The following SENP2 variants were observed in gnomAD, a reference collection of about 807,000 sequenced individuals.
The protein encoded by SENP2 is sentrin-specific protease 2.
SENP2 carries 16 observed loss-of-function variants against 86.3 expected under a neutral mutation model. The observed-to-expected ratio is 0.19, with a 90% CI of 0.13 to 0.28. SENP2 has a LOEUF of 0.28. Ranked by LOEUF, SENP2 falls within the 10% of genes least tolerant of loss-of-function variation. The probability of loss-of-function intolerance (pLI) is 1.00; values close to 1 mark genes in which losing one functional copy is unlikely to be tolerated. For synonymous variants in SENP2, 222 were observed against 238.7 expected, an observed-to-expected ratio of 0.93 and a Z score of 0.64; for missense variants, 552 against 703.0, an observed-to-expected ratio of 0.79 and a Z score of 2.43.
intron 7 of SENP2, 174 bp from the exon 8 acceptor site, chr3:185,611,477 A>C (rs1577732648): frequency 4.4e-6 from 2 of 450,290 alleles, no homozygotes; most frequent in South Asian, 7.7e-5. Flanking sequence ...TATTAGAATC[A>C]TGATTAGACT....
chr3:185,616,072 A>G (rs1711589879), intron 11 of SENP2, among the ~76,000 whole-genome samples: 1 of 150,562 alleles, frequency 6.6e-6, no homozygotes. Flanking sequence ...CATGCTGGCC[A>G]GGCTGGTCTC....
chr3:185,611,853 A>T (rs1450103719), intron 8 of SENP2, 108 bp downstream of exon 8: 1 of 812,654 alleles, frequency 1.2e-6, no homozygotes, highest in Non-Finnish European at 2.0e-6. Context: ...GTACCAAAAT[A>T]CTGTCAAATC....
chr3:185,611,884 C>T (rs1461564599), intron 8 of SENP2, 139 bp downstream of exon 8: 27 of 642,200 alleles, frequency 4.2e-5, no homozygotes, highest in Admixed American at 3.6e-4. Context: ...GGGCCGGGCG[C>T]GGTGGCTTAC....
At chr3:185,609,456 G>C (rs1381980764) in intron 7 of SENP2, 106 bp downstream of exon 7, 2 of 737,590 alleles carry the variant, frequency 2.7e-6, no homozygotes, top group African/African-American at 3.5e-5. Context: ...GGTTAACCCT[G>C]AGAGAACTAG....
chr3:185,621,331 T>TAAA (rs11388775), intron 13 of SENP2, among the ~76,000 whole-genome samples: 59 of 122,582 alleles, frequency 4.8e-4, no homozygotes, highest in South Asian at 1.0e-3. Flanking sequence ...CATTTTTAAC[T>TAAA]AAAAAAAAAA....
At chr3:185,605,771 A>G (rs551902595) in intron 5 of SENP2, among the ~76,000 whole-genome samples, 5 of 152,260 alleles carry the variant, frequency 3.3e-5, no homozygotes, top group East Asian at 1.9e-4. Context: ...ATGGCAGGAA[A>G]GGCAGATTTG....
intron 5 of SENP2, among the ~76,000 whole-genome samples, chr3:185,601,504 G>A (rs532882268): frequency 1.3e-5 from 2 of 152,014 alleles, no homozygotes; most frequent in African/African-American, 2.4e-5. Flanking sequence ...TTCATACACT[G>A]GTCATATCCA....
intron 2 of SENP2, among the ~76,000 whole-genome samples, chr3:185,592,780 C>G (rs1454716210): frequency 6.6e-6 from 1 of 152,018 alleles, no homozygotes; most frequent in African/African-American, 2.4e-5. Flanking sequence ...CCACACCCGG[C>G]TAATTTTTGT....
chr3:185,602,228 C>T (rs1038362812), intron 5 of SENP2, among the ~76,000 whole-genome samples: 1 of 152,108 alleles, frequency 6.6e-6, no homozygotes, highest in Non-Finnish European at 1.5e-5. Flanking sequence ...TGGCTATCCA[C>T]TTATATTTAG....
At chr3:185,625,886 T>G (rs547255366) in intron 15 of SENP2, among the ~76,000 whole-genome samples, 1 of 152,344 alleles carries the variant, frequency 6.6e-6, no homozygotes, top group South Asian at 2.1e-4. Context: ...TTTCTTGGAA[T>G]GGGAGCTGAG....
chr3:185,618,414 G>C (rs945066934), intron 12 of SENP2, among the ~76,000 whole-genome samples: 2 of 152,018 alleles, frequency 1.3e-5, no homozygotes, highest in African/African-American at 4.8e-5. Context: ...GTTCTTCCCC[G>C]AACTGCTTAG....
intron 2 of SENP2, among the ~76,000 whole-genome samples, chr3:185,591,967 G>T (rs1417005972): frequency 7.3e-6 from 1 of 137,416 alleles, no homozygotes; most frequent in African/African-American, 2.7e-5. Flanking sequence ...GGCAGCAGTG[G>T]CATTTTGAAA....
intron 13 of SENP2, among the ~76,000 whole-genome samples, chr3:185,621,400 T>C (rs1303558406): frequency 1.5e-4 from 21 of 137,730 alleles, no homozygotes; most frequent in Non-Finnish European, 3.0e-4. Flanking sequence ...TTTTTTTTTT[T>C]TTTTTTTTTG....
At position 185,590,115 on chromosome 3, in the gene SENP2, ACT is replaced by A; in HGVS notation, c.106_107del (p.Leu36ValfsTer7). 6.6e-7 allele frequency: 1 copy of A among 1,506,186 alleles called. No individual in the cohort carries two copies. Among genetic ancestry groups the A allele is most frequent in the Non-Finnish European group, 8.9e-7 (1 of 1,119,842 alleles). The allele number at this position is 1,506,186 out of a possible 1,614,324, so 93.3% of individuals were successfully genotyped here. Reference protein sequence around the residue: ...ALLKRRRSDSTLFSTVDTDEI... With the variant: ...ALLKRRRSDSXLFSTVDTDEI... ...TATTTTTTTCTTTCTCTTTTTCAGC[ACT>A]CTGTTTTCTACAGTGGACACTGATG... On this transcript the variant is annotated frameshift_variant and splice_region_variant, in exon 2 of 17. Coordinates refer to ENST00000296257, the MANE Select transcript of SENP2 (RefSeq NM_021627.3).
chr3:185,615,872 A>G (rs573631667), intron 11 of SENP2, among the ~76,000 whole-genome samples: 1 of 151,278 alleles, frequency 6.6e-6, no homozygotes, highest in Non-Finnish European at 1.5e-5. Flanking sequence ...TTATTTATTT[A>G]TTTATTTTTG....
intron 15 of SENP2, among the ~76,000 whole-genome samples, chr3:185,625,134 C>CA (rs1712082560): frequency 6.8e-6 from 1 of 147,992 alleles, no homozygotes; most frequent in Non-Finnish European, 1.5e-5. Context: ...TTTTTTGAGA[C>CA]GGAGTCTCGC....
chr3:185,594,008 G>A (rs1023466682), intron 2 of SENP2, among the ~76,000 whole-genome samples: 3 of 151,962 alleles, frequency 2.0e-5, no homozygotes, highest in East Asian at 1.9e-4. Context: ...TATTACAGGC[G>A]TGAGCCACCT....
chr3:185,615,848 C>T (rs1470269207), intron 11 of SENP2, among the ~76,000 whole-genome samples: 2 of 151,834 alleles, frequency 1.3e-5, no homozygotes, highest in Non-Finnish European at 2.9e-5. Flanking sequence ...ATGTCCTAAT[C>T]TTATTTTGAT....
intron 12 of SENP2, 96 bp from the exon 13 acceptor site, chr3:185,619,203 G>A: frequency 1.1e-6 from 1 of 895,890 alleles, no homozygotes; most frequent in East Asian, 2.5e-5. Context: ...CTCTTCTTTA[G>A]TACCTTACCT....
Sources: allele counts gnomAD v4.1 joint callset (sites outside exome capture counted in the v4.1 genomes callset), GRCh38; gene constraint gnomAD v4.1.1; transcripts MANE v1.5; gene names NCBI Gene and HGNC (gene_info 2026-07-23, HGNC 2026-07-21).